The following CDH18 variants were observed in gnomAD, a reference collection of about 807,000 sequenced individuals.
CDH18 encodes the protein cadherin-18.
Under a neutral mutation model 67.9 loss-of-function variants are expected in CDH18, and 31 were observed. That is an observed-to-expected ratio of 0.46 (90% CI 0.34 to 0.62). The LOEUF is 0.62. Ranked by LOEUF, CDH18 falls within the 20% of genes least tolerant of loss-of-function variation. The pLI is 0.01. For synonymous variants in CDH18, 362 were observed against 347.2 expected, an observed-to-expected ratio of 1.04 and a Z score of -0.48; for missense variants, 890 against 975.5, an observed-to-expected ratio of 0.91 and a Z score of 1.17.
At chr5:20,023,378 T>C (rs1156558750) in intron 2 of CDH18, among the ~76,000 whole-genome samples, 1 of 152,138 alleles carries the variant, frequency 6.6e-6, no homozygotes, top group East Asian at 1.9e-4. Flanking sequence ...TTCTCAGCTA[T>C]AGAGAAATCC....
intron 2 of CDH18, among the ~76,000 whole-genome samples, chr5:20,100,032 C>T (rs751078924): frequency 2.0e-5 from 3 of 152,224 alleles, no homozygotes; most frequent in South Asian, 2.1e-4. Flanking sequence ...ATGGTCCGCC[C>T]GCCTTGGCCT....
exon 1 of CDH18, chr5:20,575,593 G>A (rs1325103093): frequency 1.3e-5 from 2 of 152,070 alleles, no homozygotes; most frequent in African/African-American, 4.8e-5. Context: ...GGTGAAGTCT[G>A]TTATTTCTTG....
At chr5:19,606,457 A>G (rs904987052) in intron 6 of CDH18, among the ~76,000 whole-genome samples, 1 of 152,084 alleles carries the variant, frequency 6.6e-6, no homozygotes, top group Non-Finnish European at 1.5e-5. Flanking sequence ...GGGGAATTTC[A>G]ACAGATACCA....
chr5:20,212,288 C>A (rs1740414881), intron 2 of CDH18, among the ~76,000 whole-genome samples: 2 of 151,808 alleles, frequency 1.3e-5, no homozygotes, highest in Non-Finnish European at 2.9e-5. Context: ...GTGAAAAGAC[C>A]AAATCTAAGT....
chr5:19,907,741 G>T (rs986681693), intron 2 of CDH18, among the ~76,000 whole-genome samples: 1 of 151,994 alleles, frequency 6.6e-6, no homozygotes, highest in African/African-American at 2.4e-5. Flanking sequence ...GCATATTCAT[G>T]ACATTAATTT....
At chr5:20,170,854 T>C (rs1736646745) in intron 2 of CDH18, among the ~76,000 whole-genome samples, 1 of 151,966 alleles carries the variant, frequency 6.6e-6, no homozygotes, top group Non-Finnish European at 1.5e-5. Context: ...CTCTCCCTCC[T>C]CCCACACTCC....
chr5:20,356,545 C>T (rs955702051), intron 1 of CDH18, among the ~76,000 whole-genome samples: 3 of 151,838 alleles, frequency 2.0e-5, no homozygotes, highest in Admixed American at 6.6e-5. Flanking sequence ...ATAATATAGA[C>T]AGCATGTAGA....
At chr5:19,854,785 T>G (rs1784080923) in intron 2 of CDH18, among the ~76,000 whole-genome samples, 1 of 152,076 alleles carries the variant, frequency 6.6e-6, no homozygotes, top group African/African-American at 2.4e-5. Context: ...TTTAATTTTT[T>G]TAGCACCCTA....
intron 7 of CDH18, among the ~76,000 whole-genome samples, chr5:19,579,615 A>G (rs1742890509): frequency 6.6e-6 from 1 of 151,456 alleles, no homozygotes; most frequent in African/African-American, 2.4e-5. Flanking sequence ...TTACTTTTGT[A>G]CTCTTAGTAA....
At chr5:19,845,200 T>G (rs529980149) in intron 2 of CDH18, among the ~76,000 whole-genome samples, 1 of 152,146 alleles carries the variant, frequency 6.6e-6, no homozygotes, top group East Asian at 1.9e-4. Context: ...CAAATAAACA[T>G]AAATGATTCT....
At chr5:20,559,281 T>C (rs1758075386) in intron 1 of CDH18, among the ~76,000 whole-genome samples, 1 of 152,066 alleles carries the variant, frequency 6.6e-6, no homozygotes, top group Non-Finnish European at 1.5e-5. Flanking sequence ...TATCTAATAG[T>C]GTGATGACAA....
chr5:20,169,990 T>G (rs1736569945), intron 2 of CDH18, among the ~76,000 whole-genome samples: 1 of 152,028 alleles, frequency 6.6e-6, no homozygotes, highest in Admixed American at 6.6e-5. Flanking sequence ...GTGTTAAATT[T>G]TAATGTTTTT....
chr5:19,771,919 A>G (rs1290749220), intron 3 of CDH18, among the ~76,000 whole-genome samples: 2 of 152,202 alleles, frequency 1.3e-5, no homozygotes, highest in African/African-American at 2.4e-5. Flanking sequence ...TCCACATTAT[A>G]TACTTATTAA....
chr5:20,086,479 TTCTA>T (rs1680463885), intron 2 of CDH18, among the ~76,000 whole-genome samples: 1 of 152,206 alleles, frequency 6.6e-6, no homozygotes. Flanking sequence ...TGGAAGAAGA[TTCTA>T]TCTAGGAGTT....
intron 4 of CDH18, among the ~76,000 whole-genome samples, chr5:19,733,465 T>G (rs1767885841): frequency 6.6e-6 from 1 of 152,084 alleles, no homozygotes; most frequent in Admixed American, 6.5e-5. Context: ...AACTCTCCCA[T>G]CTCTTCTCCG....
intron 2 of CDH18, among the ~76,000 whole-genome samples, chr5:20,242,386 C>T (rs1050260191): frequency 2.6e-5 from 4 of 151,078 alleles, no homozygotes; most frequent in African/African-American, 4.9e-5. Context: ...TCCTTCAGCC[C>T]GCAGCCTCTG....
At chr5:20,437,772 A>C (rs1374635180) in intron 1 of CDH18, among the ~76,000 whole-genome samples, 2 of 151,370 alleles carry the variant, frequency 1.3e-5, no homozygotes, top group Non-Finnish European at 3.0e-5. Context: ...TCCATGAAAA[A>C]ATTAGTAGAA....
chr5:20,512,321 G>A (rs1470629812), intron 1 of CDH18, among the ~76,000 whole-genome samples: 1 of 152,006 alleles, frequency 6.6e-6, no homozygotes, highest in Non-Finnish European at 1.5e-5. Flanking sequence ...ATTTTTCATG[G>A]TCAGAATAAA....
At chr5:19,766,881 C>T (rs1474013993) in intron 3 of CDH18, among the ~76,000 whole-genome samples, 1 of 152,114 alleles carries the variant, frequency 6.6e-6, no homozygotes, top group African/African-American at 2.4e-5. Context: ...CCTTGTCATT[C>T]AATACTTCCC....
Sources: gnomAD v4.1 joint callset for allele counts (sites outside exome capture counted in the v4.1 genomes callset) on GRCh38, gnomAD v4.1.1 for gene constraint, MANE v1.5 for transcripts, NCBI Gene and HGNC (gene_info 2026-07-23, HGNC 2026-07-21) for gene names.